The following TNKS2 variants were observed in gnomAD, a reference collection of about 807,000 sequenced individuals.
TNKS2 encodes the protein poly [ADP-ribose] polymerase tankyrase-2.
Under a neutral mutation model 137.6 loss-of-function variants are expected in TNKS2, and 72 were observed. The observed-to-expected ratio is 0.52, with a 90% confidence interval of 0.43 to 0.64. TNKS2 has a LOEUF of 0.64. TNKS2 is among the 30% of genes least tolerant of loss of function. The probability of loss-of-function intolerance (pLI) is 0.00; values close to 1 mark genes in which losing one functional copy is unlikely to be tolerated. For synonymous variants in TNKS2, 516 were observed against 512.1 expected, an observed-to-expected ratio of 1.01 and a Z score of -0.10; for missense variants, 1,049 against 1,410.2, an observed-to-expected ratio of 0.74 and a Z score of 4.10.
chr10:91,801,702 G>A (rs760116069), intron 1 of TNKS2, among the ~76,000 whole-genome samples: 62 of 152,192 alleles, frequency 4.1e-4, no homozygotes, highest in Non-Finnish European at 6.8e-4. Flanking sequence ...TCAAACTCCT[G>A]ATCTCGTGAT....
chr10:91,817,441 T>C (rs1844742502), intron 3 of TNKS2, among the ~76,000 whole-genome samples: 1 of 152,264 alleles, frequency 6.6e-6, no homozygotes, highest in South Asian at 2.1e-4. Context: ...TGTTTAAGTA[T>C]GTCATTGTTG....
Position 91,845,749 on chromosome 10 carries a change from C to T in TNKS2, c.2170-3C>T, listed in dbSNP as rs1331835984. 6.6e-7 allele frequency: 1 copy of T among 1,507,662 alleles called. No individual in the cohort carries two copies. 93.4% of individuals were successfully genotyped at this position (1,507,662 alleles called of 1,614,324 possible). A position where few individuals can be genotyped will look rare whatever the true frequency, so the allele number is the denominator to read the frequency against. ...AGACTGTAACGGGTATTTTCTTTTA[C>T]AGCATGTAGATGTAGCAGCTCTACT... On this transcript the variant is annotated splice_polypyrimidine_tract_variant and splice_region_variant and intron_variant, in intron 17 of 26. Coordinates refer to ENST00000371627, the MANE Select transcript of TNKS2 (RefSeq NM_025235.4).
intron 25 of TNKS2, among the ~76,000 whole-genome samples, chr10:91,861,732 A>G (rs1229163041): frequency 6.6e-6 from 1 of 152,186 alleles, no homozygotes; most frequent in Non-Finnish European, 1.5e-5. Context: ...TGAGATACAA[A>G]CAAGGTGGTA....
chr10:91,809,477 T>C (rs1844430269), intron 1 of TNKS2, among the ~76,000 whole-genome samples: 1 of 151,992 alleles, frequency 6.6e-6, no homozygotes, highest in Non-Finnish European at 1.5e-5. Context: ...CCATCTTGGC[T>C]AACACGGTGA....
intron 11 of TNKS2, 136 bp from the exon 12 acceptor site, chr10:91,833,717 A>T (rs956217830): frequency 6.1e-5 from 39 of 639,386 alleles, no homozygotes; most frequent in Non-Finnish European, 7.8e-5. Flanking sequence ...TTGAGCAAAA[A>T]TACTTGCTTT....
chr10:91,847,176 A>G (rs1414726137), intron 18 of TNKS2, among the ~76,000 whole-genome samples: 1 of 152,342 alleles, frequency 6.6e-6, no homozygotes, highest in Non-Finnish European at 1.5e-5. Flanking sequence ...GAATGCATAG[A>G]CTGGGGGAAG....
chr10:91,814,793 G>A (rs1021209723), intron 2 of TNKS2, among the ~76,000 whole-genome samples: 1 of 152,200 alleles, frequency 6.6e-6, no homozygotes, highest in Non-Finnish European at 1.5e-5. Flanking sequence ...AGCTAGGTTT[G>A]TGTAAGCATA....
intron 1 of TNKS2, among the ~76,000 whole-genome samples, chr10:91,799,702 C>T (rs1251911170): frequency 6.6e-6 from 1 of 152,064 alleles, no homozygotes; most frequent in Non-Finnish European, 1.5e-5. Flanking sequence ...TTTAAAAGAG[C>T]CATAGATGGG....
chr10:91,836,996 A>C lies in TNKS2; in HGVS notation c.1525A>C (p.Lys509Gln). The C allele has an allele frequency of 6.2e-7, 1 of 1,613,046 alleles. No homozygotes were observed. The highest frequency in any genetic ancestry group is 8.5e-7 in the Non-Finnish European group (1 of 1,179,440). The change falls in exon 13 of 27, where the codon AAA becomes CAA. Residue 509 changes from lysine to glutamine, a missense_variant and splice_region_variant. Lys to Gln is a moderately conservative substitution (Grantham distance 53, BLOSUM62 1). Transcript: ENST00000371627. ...AAAGGCTGGAGATGTCGAAACTGTA[A>C]AAGTAAGATACAGTGTTACGTTTCT... is the stretch of plus-strand genomic sequence containing the variant. ...AAKAGDVETV[K>Q]KLCTVQSVNC...
chr10:91,835,529 T>A (rs1841978350), intron 12 of TNKS2, among the ~76,000 whole-genome samples: 1 of 151,192 alleles, frequency 6.6e-6, no homozygotes, highest in South Asian at 2.1e-4. Flanking sequence ...GACCTTGTGA[T>A]CCCCCTGCCT....
intron 13 of TNKS2, among the ~76,000 whole-genome samples, chr10:91,838,921 G>T (rs762465411): frequency 6.6e-6 from 1 of 152,206 alleles, no homozygotes; most frequent in Non-Finnish European, 1.5e-5. Context: ...AGGCTGGAGT[G>T]CAATTGCACG....
chr10:91,807,560 C>A (rs1005768397), intron 1 of TNKS2: 2 of 882,900 alleles, frequency 2.3e-6, no homozygotes, highest in Admixed American at 4.1e-5. Context: ...CTTAGCTTTA[C>A]TTCTCAGACT....
chr10:91,853,411 A>T (rs765398329), intron 21 of TNKS2, among the ~76,000 whole-genome samples: 4 of 152,222 alleles, frequency 2.6e-5, no homozygotes, highest in African/African-American at 4.8e-5. Context: ...ACATAAAGTT[A>T]CCATCTTCTT....
At chr10:91,840,061 C>G (rs1014503609) in intron 13 of TNKS2, among the ~76,000 whole-genome samples, 3 of 152,176 alleles carry the variant, frequency 2.0e-5, no homozygotes, top group Non-Finnish European at 2.9e-5. Context: ...ATACGTGAGA[C>G]CAGGCACGGT....
chr10:91,827,919 A>G (rs1845116683), intron 8 of TNKS2, among the ~76,000 whole-genome samples: 1 of 152,014 alleles, frequency 6.6e-6, no homozygotes. Flanking sequence ...AGAGATCACT[A>G]TTTCTTTACA....
chr10:91,848,669 GT>G, intron 19 of TNKS2, 34 bp downstream of exon 19: 1 of 1,607,560 alleles, frequency 6.2e-7, no homozygotes, highest in Non-Finnish European at 8.5e-7. Flanking sequence ...TTTCTAACTG[GT>G]ATTGTAGCCC....
At chr10:91,807,101 C>T (rs1292649104) in intron 1 of TNKS2, 2 of 1,456,584 alleles carry the variant, frequency 1.4e-6, no homozygotes, top group African/African-American at 1.4e-5. Flanking sequence ...ACATAAAGTA[C>T]TTTCTGTCCC....
chr10:91,838,036 A>AT (rs71025367), intron 13 of TNKS2, among the ~76,000 whole-genome samples: 9,845 of 51,108 alleles, frequency 0.19, 1,967 homozygotes, highest in African/African-American at 0.23. Context: ...CAATTAGCTG[A>AT]TTTTTTTTTT....
At chr10:91,852,726 T>C (rs528852909) in intron 21 of TNKS2, among the ~76,000 whole-genome samples, 78 of 152,292 alleles carry the variant, frequency 5.1e-4, no homozygotes, top group Non-Finnish European at 9.1e-4. Flanking sequence ...AAAATGAAGG[T>C]ATTTTCAGGG....
Sources: gnomAD v4.1 joint callset for allele counts (sites outside exome capture counted in the v4.1 genomes callset) on GRCh38, gnomAD v4.1.1 for gene constraint, MANE v1.5 for transcripts, NCBI Gene and HGNC (gene_info 2026-07-23, HGNC 2026-07-21) for gene names.